The following ADAP1 variants were observed in gnomAD, a reference collection of about 807,000 sequenced individuals.
ADAP1 encodes the protein ArfGAP with dual PH domains 1.
A neutral mutation model predicts 54.9 loss-of-function variants in ADAP1; 31 were observed. The ratio of observed to expected loss-of-function variants is 0.56; its 90% confidence interval spans 0.42 to 0.76. ADAP1 has a LOEUF of 0.76. ADAP1 is among the 30% of genes least tolerant of loss of function. ADAP1 has a pLI of 0.00. For synonymous variants in ADAP1, 313 were observed against 202.6 expected (o/e 1.55, Z -4.63); for missense variants, 535 against 512.4 (o/e 1.04, Z -0.42).
intron 4 of ADAP1, chr7:905,735 GGGAAA>G (rs1845211293): frequency 1.6e-5 from 1 of 62,546 alleles, no homozygotes; most frequent in African/African-American, 5.4e-5. Flanking sequence ...AAAGGAGAAA[GGGAAA>G]GGAGAAGGGA....
chr7:907,145 C>G (rs530564788), intron 4 of ADAP1, among the ~76,000 whole-genome samples: 4 of 152,148 alleles, frequency 2.6e-5, no homozygotes, highest in African/African-American at 9.7e-5. Flanking sequence ...CCAGCTCAAG[C>G]CCTCATCTCC....
Position 935,361 on chromosome 7 carries a change from C to A in ADAP1, c.213+14G>T. 1 of 1,552,360 alleles carries A rather than the reference C, an allele frequency of 6.4e-7. No homozygotes were observed. Among genetic ancestry groups the A allele is most frequent in the Non-Finnish European group, 8.7e-7 (1 of 1,148,258 alleles). On this transcript the variant is annotated intron_variant, in intron 2 of 10. Coordinates refer to ENST00000265846, the MANE Select transcript of ADAP1 (RefSeq NM_006869.4). The stretch of plus-strand genomic sequence containing the variant: ...GGGGACTGCGCGGGTCCCCCCGCCC[C>A]TCCCCCTCCGTACCTCCACTTGGGC...
chr7:935,431 G>C lies in ADAP1; in HGVS notation c.157C>G (p.Gln53Glu), dbSNP rs768277152. ...CGGACGGACTTCACCTTGCTGACCT[G>C]GGGGATATTCCGGTGGATTCCCGAG... ...SCSGIHRNIP[Q>E]VSKVKSVRLD... is the part of the protein sequence containing the mutation. The change falls in exon 2 of 11, where the codon CAG becomes GAG. Residue 53 changes from glutamine to glutamate, a missense_variant. Gln to Glu is a conservative substitution (Grantham distance 29). Transcript: ENST00000265846. 2 of 1,561,028 alleles carry C rather than the reference G, an allele frequency of 1.3e-6. No individual in the cohort carries two copies. The highest frequency in any genetic ancestry group is 1.7e-6 in the Non-Finnish European group (2 of 1,152,494).
chr7:928,154 AGGTCGCAGTGGGCTAT>A (rs1166560503), intron 2 of ADAP1, among the ~76,000 whole-genome samples: 3 of 151,914 alleles, frequency 2.0e-5, no homozygotes, highest in Admixed American at 1.3e-4. Context: ...TGGGAGTTTG[AGGTCGCAGTGGGCTAT>A]GGTCGCACCA....
chr7:922,194 G>A (rs1015892638), intron 3 of ADAP1, among the ~76,000 whole-genome samples: 2 of 152,200 alleles, frequency 1.3e-5, no homozygotes, highest in Admixed American at 1.3e-4. Flanking sequence ...CGGGCCACCT[G>A]GCAGCCGGGA....
At chr7:910,104 G>A (rs539940168) in intron 4 of ADAP1, among the ~76,000 whole-genome samples, 3 of 152,268 alleles carry the variant, frequency 2.0e-5, no homozygotes, top group African/African-American at 2.4e-5. Flanking sequence ...CGGGGACGCC[G>A]GCCCTTCCAC....
chr7:906,492 GAAAGGA>G (rs1845352475), intron 4 of ADAP1, among the ~76,000 whole-genome samples: 4 of 6,638 alleles, frequency 6.0e-4, no homozygotes, highest in African/African-American at 2.8e-3. Flanking sequence ...AGGAGAAAGG[GAAAGGA>G]GAAAGGGAGA....
At chr7:906,961 C>T (rs1222595971) in intron 4 of ADAP1, among the ~76,000 whole-genome samples, 2 of 152,138 alleles carry the variant, frequency 1.3e-5, no homozygotes, top group South Asian at 4.1e-4. Context: ...GGGACCCTCC[C>T]CATCCTGAGT....
At chr7:942,215 G>A (rs565248873) in intron 1 of ADAP1, among the ~76,000 whole-genome samples, 6 of 152,248 alleles carry the variant, frequency 3.9e-5, no homozygotes, top group East Asian at 1.9e-4. Flanking sequence ...AAAAGTCTCC[G>A]TAACTTTGGG....
At chr7:906,724 G>T (rs868488848) in intron 4 of ADAP1, among the ~76,000 whole-genome samples, 348 of 30,198 alleles carry the variant, frequency 0.012, 10 homozygotes, top group East Asian at 0.027. Flanking sequence ...CATCGGGGAC[G>T]GGACATGGGG....
At chr7:951,646 G>T (rs1229644854) in intron 1 of ADAP1, among the ~76,000 whole-genome samples, 1 of 151,150 alleles carries the variant, frequency 6.6e-6, no homozygotes, top group Non-Finnish European at 1.5e-5. Context: ...GAGGTGGGAG[G>T]ATTGCTTGAG....
At chr7:904,105 C>G (rs373997978) in intron 6 of ADAP1, 21 bp downstream of exon 6, 4 of 1,610,984 alleles carry the variant, frequency 2.5e-6, no homozygotes, top group Non-Finnish European at 3.4e-6. Context: ...CACCCGGGCC[C>G]GAGTGCTCGC....
chr7:900,462 C>G, intron 7 of ADAP1, 71 bp downstream of exon 7: 2 of 1,471,686 alleles, frequency 1.4e-6, no homozygotes, highest in South Asian at 1.2e-5. Flanking sequence ...ACTCAGGGCA[C>G]GAGGGCTCCG....
At chr7:929,514 C>CAAAAAAAA (rs71020548) in intron 2 of ADAP1, among the ~76,000 whole-genome samples, 1 of 89,410 alleles carries the variant, frequency 1.1e-5, no homozygotes. Flanking sequence ...CACCCTGTCT[C>CAAAAAAAA]AAAAAAAAAA....
At chr7:903,009 C>T (rs778294124) in intron 6 of ADAP1, among the ~76,000 whole-genome samples, 17 of 152,150 alleles carry the variant, frequency 1.1e-4, no homozygotes, top group East Asian at 1.9e-4. Context: ...AATAAGTAAA[C>T]GAGAAAGACG....
rs1413257046 is a variant in ADAP1 at position 920,640 on chromosome 7, A to C, written c.306-590T>G. The C allele has an allele frequency of 1.4e-6, 1 of 698,378 alleles. No homozygotes were observed. Among genetic ancestry groups the C allele is most frequent in the African/African-American group, 1.8e-5 (1 of 55,500 alleles). 43.3% of individuals were successfully genotyped at this position (698,378 alleles called of 1,614,324 possible). ...GGGCATCAGGAGAAACTACCGGCAA[A>C]TACCCAAGAATCCAGGAAGACCCGG... On this transcript the variant is annotated intron_variant, in intron 3 of 10. Coordinates refer to ENST00000265846, the MANE Select transcript of ADAP1 (RefSeq NM_006869.4). The surrounding 1 kb of genome is among the most constrained non-coding windows in gnomAD (Gnocchi z 4.5).
At chr7:900,411 G>T in intron 7 of ADAP1, 122 bp downstream of exon 7, 3 of 1,140,586 alleles carry the variant, frequency 2.6e-6, no homozygotes, top group Non-Finnish European at 3.8e-6. Flanking sequence ...GTGAGCCCTT[G>T]GCCAGTCCCA....
intron 4 of ADAP1, among the ~76,000 whole-genome samples, chr7:911,293 C>T (rs1427518446): frequency 6.6e-6 from 1 of 152,138 alleles, no homozygotes; most frequent in East Asian, 1.9e-4. Context: ...CCCGACAGGC[C>T]TGGAGAGACC....
upstream of ADAP1, chr7:954,810 G>T: frequency 1.3e-6 from 1 of 754,588 alleles, no homozygotes; most frequent in Non-Finnish European, 1.6e-6. Flanking sequence ...GCGCCCCGGG[G>T]ACCCGCTGGG....
Sources: gnomAD v4.1 joint callset for allele counts (sites outside exome capture counted in the v4.1 genomes callset) on GRCh38, gnomAD v4.1.1 for gene constraint, Gnocchi (gnomAD v3.1) non-coding constraint, MANE v1.5 for transcripts, NCBI Gene and HGNC (gene_info 2026-07-23, HGNC 2026-07-21) for gene names.